Variants in RTCA observed in about 807,000 individuals in gnomAD.
The protein encoded by RTCA is RNA 3'-terminal phosphate cyclase.
In RTCA, 37 loss-of-function variants were observed where a neutral mutation model predicts 46.1. That is an observed-to-expected ratio of 0.80 (90% CI 0.62 to 1.06). The LOEUF (loss-of-function observed/expected upper bound fraction) is 1.06, where lower values mean the gene tolerates loss of function less well. RTCA is among the 50% of genes least tolerant of loss of function. RTCA has a pLI of 0.00. For synonymous variants in RTCA, 164 were observed against 158.3 expected (o/e 1.04, Z -0.27); for missense variants, 435 against 455.5 (o/e 0.95, Z 0.41).
In RTCA at chr1:100,266,390, G is replaced by C. The variant is rs762802976; in HGVS notation, c.15G>C (p.Arg5=). 1 of 1,612,154 alleles carries C rather than the reference G, an allele frequency of 6.2e-7. No homozygotes were observed. The highest frequency in any genetic ancestry group is 8.5e-7 in the Non-Finnish European group (1 of 1,179,362). MAGP[R]VEVDGSIMEG... ...GGGTGTCCCCCATGGCGGGGCCGCG[G>C]GTGGAGGTCGATGGCAGCATCATGG... The change falls in exon 1 of 11, where the codon CGG becomes CGC. Residue 5 remains arginine, a synonymous_variant. Transcript: ENST00000370128.
intron 10 of RTCA, among the ~76,000 whole-genome samples, chr1:100,288,742 A>T (rs1272849298): frequency 6.6e-6 from 1 of 152,186 alleles, no homozygotes; most frequent in Admixed American, 6.5e-5. Flanking sequence ...TTAATTTAAA[A>T]AATTAATCAT....
At chr1:100,291,252 T>C in intron 10 of RTCA, 151 bp from the exon 11 acceptor site, 2 of 546,732 alleles carry the variant, frequency 3.7e-6, no homozygotes, top group East Asian at 3.1e-5. Flanking sequence ...GCTATTAAGT[T>C]TCTTTCTCAT....
At chr1:100,278,951 T>G (rs2100802815) in intron 8 of RTCA, among the ~76,000 whole-genome samples, 1 of 152,338 alleles carries the variant, frequency 6.6e-6, no homozygotes, top group East Asian at 1.9e-4. Flanking sequence ...TTTAACAAAC[T>G]TTCCAGGTAC....
intron 4 of RTCA, among the ~76,000 whole-genome samples, chr1:100,272,538 A>G (rs1666153784): frequency 6.6e-6 from 1 of 152,190 alleles, no homozygotes; most frequent in Non-Finnish European, 1.5e-5. Flanking sequence ...AAAACACAAA[A>G]CAAGGTTAAT....
In RTCA at chr1:100,275,646, G is replaced by A; in HGVS notation, c.663G>A (p.Glu221=). Residue 221 remains glutamate, a synonymous_variant, in exon 7 of 11, where the codon GAG becomes GAA. Coordinates refer to ENST00000370128, the MANE Select transcript of RTCA (RefSeq NM_003729.4). ...AAAAVRCIRK[E]IRDLYVNIQP... ...CAGCAGTTAGATGCATCAGAAAGGA[G>A]ATCCGGGATTTGTATGTTAACATCC... 1 of 1,612,364 alleles carries A rather than the reference G, an allele frequency of 6.2e-7. No individual in the cohort carries two copies. Among genetic ancestry groups the A allele is most frequent in the Non-Finnish European group, 8.5e-7 (1 of 1,179,150 alleles).
chr1:100,289,306 G>C (rs9728652), intron 10 of RTCA, among the ~76,000 whole-genome samples: 1 of 148,460 alleles, frequency 6.7e-6, no homozygotes, highest in Non-Finnish European at 1.5e-5. Flanking sequence ...TTTTTTTTTT[G>C]TTTTTGTTTT....
chr1:100,277,453 C>T (rs537981491), intron 8 of RTCA, 137 bp downstream of exon 8: 1 of 800,264 alleles, frequency 1.2e-6, no homozygotes, highest in East Asian at 2.8e-5. Flanking sequence ...GAGTCAATTA[C>T]ACTTTCAGAC....
chr1:100,266,940 G>A, intron 2 of RTCA: 1 of 375,580 alleles, frequency 2.7e-6, no homozygotes, highest in Non-Finnish European at 4.9e-6. Context: ...GTATGAGCTG[G>A]CAAGATAGAT....
rs774628145 is a variant in RTCA at position 100,275,619 on chromosome 1, G to A, written c.636G>A (p.Ala212=). ...LPFKVAKDMA[A]AAVRCIRKEI... Reference sequence around the variant, plus strand: ...AATAGGTAGCAAAAGATATGGCAGCGGCAGCAGTTAGATGCATCAGAAAGG... The same window carrying A: ...AATAGGTAGCAAAAGATATGGCAGCAGCAGCAGTTAGATGCATCAGAAAGG... The change falls in exon 7 of 11, where the codon GCG becomes GCA. Residue 212 remains alanine (A), a synonymous_variant. Coordinates refer to ENST00000370128, the MANE Select transcript of RTCA (RefSeq NM_003729.4). The A allele has an allele frequency of 6.8e-6, 11 of 1,608,474 alleles. No individual in the cohort carries two copies. The highest frequency in any genetic ancestry group is 1.7e-4 in the Middle Eastern group (1 of 6,040).
At chr1:100,275,002 G>A (rs763356144) in intron 6 of RTCA, 37 bp downstream of exon 6, 1 of 1,534,566 alleles carries the variant, frequency 6.5e-7, no homozygotes, top group Non-Finnish European at 8.9e-7. Context: ...TAAAATATAT[G>A]TGTGTCTTGA....
rs71590284 is a variant in RTCA at position 100,276,675 on chromosome 1, C to CA, written c.741-575dup. On this transcript the variant is annotated intron_variant, in intron 7 of 10. Transcript: ENST00000370128. ...CTGGCGACAAAGCGAGACTCCATCTCAAAAAAAACCAGACTAGAACTATTA... is the reference window on the plus strand; with the variant it reads ...CTGGCGACAAAGCGAGACTCCATCTCAAAAAAAAACCAGACTAGAACTATTA... Among the ~76,000 whole-genome samples, 26 of 151,518 alleles carry CA rather than the reference C, an allele frequency of 1.7e-4. No individual in the cohort carries two copies. In the East Asian group the frequency reaches 1.9e-3, roughly 11 times the overall value.
At chr1:100,279,653 C>T (rs1188349855) in intron 8 of RTCA, among the ~76,000 whole-genome samples, 2 of 151,856 alleles carry the variant, frequency 1.3e-5, no homozygotes, top group Non-Finnish European at 2.9e-5. Flanking sequence ...GTGGCTCACA[C>T]CTATAGTCCC....
chr1:100,276,119 G>A (rs2100799063), intron 7 of RTCA, among the ~76,000 whole-genome samples: 1 of 152,232 alleles, frequency 6.6e-6, no homozygotes, highest in Middle Eastern at 3.4e-3. Context: ...ACAGGCATGA[G>A]CCACTGTGCC....
intron 8 of RTCA, among the ~76,000 whole-genome samples, chr1:100,280,651 C>G (rs1044336340): frequency 5.9e-5 from 9 of 152,160 alleles, no homozygotes; most frequent in African/African-American, 1.9e-4. Flanking sequence ...GAGAGAATGT[C>G]ATGACCTCTA....
intron 8 of RTCA, among the ~76,000 whole-genome samples, chr1:100,279,139 A>T (rs1277112754): frequency 6.6e-6 from 1 of 152,246 alleles, no homozygotes; most frequent in Non-Finnish European, 1.5e-5. Flanking sequence ...AGGAGCAGAC[A>T]TATTACAAGT....
In RTCA at chr1:100,277,659, A is replaced by G. The variant is rs184124243; in HGVS notation, c.799+343A>G. ...GTCTCACCCCTGAATACTGCAGCAT[A>G]TATGTCCAAAGAGCAATAACTACAT... On this transcript the variant is annotated intron_variant, in intron 8 of 10. Transcript: ENST00000370128. 1.3e-3 allele frequency among the ~76,000 whole-genome samples: 203 copies of G among 152,340 alleles called. 2 individuals are homozygous for G. Among genetic ancestry groups the G allele is most frequent in the African/African-American group, 4.8e-3 (199 of 41,576 alleles).
chr1:100,267,642 T>A, intron 2 of RTCA: 1 of 1,202,566 alleles, frequency 8.3e-7, no homozygotes, highest in Non-Finnish European at 1.1e-6. Flanking sequence ...AGCGTCTCTG[T>A]ATGTTCTAGT....
chr1:100,283,029 T>G (rs1438069634), intron 8 of RTCA, among the ~76,000 whole-genome samples: 3 of 152,044 alleles, frequency 2.0e-5, no homozygotes, highest in Non-Finnish European at 4.4e-5. Flanking sequence ...ACTCCTGTAC[T>G]CAAGCTATCT....
chr1:100,283,171 T>C (rs1666807696), intron 8 of RTCA, among the ~76,000 whole-genome samples: 1 of 149,894 alleles, frequency 6.7e-6, no homozygotes. Flanking sequence ...TTTTTTTTTT[T>C]TTTTTTTTTT....
Sources: gnomAD v4.1 joint callset for allele counts (sites outside exome capture counted in the v4.1 genomes callset) on GRCh38, gnomAD v4.1.1 for gene constraint, MANE v1.5 for transcripts, NCBI Gene and HGNC (gene_info 2026-07-23, HGNC 2026-07-21) for gene names.